Variants in MAP3K1 observed in about 807,000 individuals in gnomAD.
MAP3K1 encodes MAP/ERK kinase kinase 1.
Under a neutral mutation model 144.2 loss-of-function variants are expected in MAP3K1, and 36 were observed. The ratio of observed to expected loss-of-function variants is 0.25; its 90% CI spans 0.19 to 0.33. MAP3K1 has a LOEUF of 0.33. Ranked by LOEUF, MAP3K1 falls within the 10% of genes least tolerant of loss-of-function variation. MAP3K1 has a pLI of 1.00. For synonymous variants in MAP3K1, 718 were observed against 688.7 expected (o/e 1.04, Z -0.67); for missense variants, 1,650 against 1,881.9 (o/e 0.88, Z 2.28).
intron 16 of MAP3K1, among the ~76,000 whole-genome samples, chr5:56,885,675 T>G (rs528321470): frequency 7.7e-4 from 118 of 152,362 alleles, no homozygotes; most frequent in Middle Eastern, 6.8e-3. Context: ...AGAAATAGTT[T>G]AATCCGAAAT....
At position 56,894,154 on chromosome 5, in the gene MAP3K1, A is replaced by G. The variant is rs564520832; in HGVS notation, c.*474A>G. 1 of 288,770 alleles carries G rather than the reference A, an allele frequency of 3.5e-6. No individual in the cohort carries two copies. The highest frequency in any genetic ancestry group is 4.9e-5 in the East Asian group (1 of 20,310). 17.9% of individuals were successfully genotyped at this position (288,770 alleles called of 1,614,324 possible). A position where few individuals can be genotyped will look rare whatever the true frequency, so the allele number is the denominator to read the frequency against. On this transcript the variant is annotated 3_prime_UTR_variant, in exon 20 of 20. Coordinates refer to ENST00000399503, the MANE Select transcript of MAP3K1 (RefSeq NM_005921.2). ...TGCCTCTTTTAGGTCAGAGTATGCT[A>G]TGAGTAGCAATACATACATATATTT...
At chr5:56,845,834 G>A (rs143516549) in intron 1 of MAP3K1, among the ~76,000 whole-genome samples, 186 of 152,302 alleles carry the variant, frequency 1.2e-3, no homozygotes, top group Middle Eastern at 0.01. Context: ...GGTTTTATGG[G>A]TTTTTGTTGG....
chr5:56,871,941 A>G lies in MAP3K1; in HGVS notation c.1333A>G (p.Ile445Val), dbSNP rs1363136006. ...GGATGAAGAGGAACAGATGTGTCCT[A>G]TTTGCTTGTTGGGCATGCTTGATGA... The part of the protein sequence containing the change: ...IKDEEEQMCP[I>V]CLLGMLDEES... The change falls in exon 7 of 20, where the codon ATT becomes GTT. Residue 445 changes from isoleucine (I) to valine (V), a missense_variant. Physicochemically the swap from Ile to Val is conservative, Grantham distance 29. This residue lies in a region of MAP3K1 where 125 missense variants were observed against 179.9 expected (regional missense o/e 0.69). Transcript: ENST00000399503. 2.5e-6 allele frequency: 4 copies of G among 1,613,808 alleles called. No individual in the cohort carries two copies. Among genetic ancestry groups the G allele is most frequent in the Non-Finnish European group, 1.7e-6 (2 of 1,179,878 alleles).
intron 18 of MAP3K1, 170 bp downstream of exon 18, chr5:56,887,690 C>A: frequency 1.4e-6 from 1 of 728,244 alleles, no homozygotes; most frequent in Non-Finnish European, 2.3e-6. Context: ...CTCGACCTTT[C>A]TTTGCCTTGG....
intron 19 of MAP3K1, among the ~76,000 whole-genome samples, chr5:56,890,104 T>G (rs1748504711): frequency 6.6e-6 from 1 of 152,198 alleles, no homozygotes; most frequent in Admixed American, 6.5e-5. Context: ...CTTTGTTTCT[T>G]GTTTGCTAGT....
chr5:56,854,682 C>T (rs1047449534), intron 1 of MAP3K1, among the ~76,000 whole-genome samples: 2 of 152,092 alleles, frequency 1.3e-5, no homozygotes, highest in Non-Finnish European at 2.9e-5. Context: ...TTTGTTTAGA[C>T]AAGGAACATC....
chr5:56,893,436 G>A (rs1748608211), intron 19 of MAP3K1, 95 bp from the exon 20 acceptor site: 8 of 1,283,250 alleles, frequency 6.2e-6, no homozygotes, highest in Admixed American at 1.7e-5. Context: ...CTCTGTTCAG[G>A]ATGTAAATGT....
chr5:56,830,055 TCTTA>T (rs1746439668), intron 1 of MAP3K1, among the ~76,000 whole-genome samples: 1 of 152,194 alleles, frequency 6.6e-6, no homozygotes, highest in African/African-American at 2.4e-5. Context: ...TTCTTCTCCC[TCTTA>T]CTTCTTGGAC....
intron 17 of MAP3K1, 137 bp from the exon 18 acceptor site, chr5:56,887,241 A>G: frequency 1.3e-6 from 1 of 792,438 alleles, no homozygotes; most frequent in Non-Finnish European, 2.1e-6. Flanking sequence ...GGAAAAGAGA[A>G]TAACTGTTTG....
chr5:56,830,458 A>T (rs1432836167), intron 1 of MAP3K1, among the ~76,000 whole-genome samples: 1 of 151,996 alleles, frequency 6.6e-6, no homozygotes, highest in Non-Finnish European at 1.5e-5. Flanking sequence ...GTCTTTCTAA[A>T]TTACTGCCTT....
intron 1 of MAP3K1, among the ~76,000 whole-genome samples, chr5:56,850,989 C>T (rs1016547014): frequency 4.6e-5 from 7 of 152,232 alleles, no homozygotes; most frequent in South Asian, 4.2e-4. Flanking sequence ...TCTTGTTGCC[C>T]AGGCTGGAGT....
chr5:56,863,955 A>C (rs1747595659), intron 3 of MAP3K1, among the ~76,000 whole-genome samples: 1 of 152,154 alleles, frequency 6.6e-6, no homozygotes, highest in Non-Finnish European at 1.5e-5. Context: ...TTATTGAGGA[A>C]GAGTCTGCAG....
intron 10 of MAP3K1, among the ~76,000 whole-genome samples, chr5:56,877,766 G>C (rs866171593): frequency 6.6e-6 from 1 of 152,058 alleles, no homozygotes; most frequent in African/African-American, 2.4e-5. Flanking sequence ...TTCTGCTGTT[G>C]TCTTTTTTCT....
chr5:56,889,870 T>C (rs1038616469), intron 19 of MAP3K1, among the ~76,000 whole-genome samples: 3 of 152,106 alleles, frequency 2.0e-5, no homozygotes, highest in African/African-American at 7.2e-5. Flanking sequence ...CCTCCAGTGC[T>C]CCCCACACTT....
intron 1 of MAP3K1, among the ~76,000 whole-genome samples, chr5:56,828,940 T>G (rs1468248773): frequency 6.6e-6 from 1 of 152,166 alleles, no homozygotes; most frequent in Non-Finnish European, 1.5e-5. Context: ...TTCCTAATTG[T>G]GAAAATTTAC....
intron 15 of MAP3K1, among the ~76,000 whole-genome samples, chr5:56,884,207 C>A (rs564463312): frequency 2.0e-5 from 3 of 152,210 alleles, no homozygotes; most frequent in South Asian, 4.1e-4. Flanking sequence ...CAAGATGGGC[C>A]TTACAAAGGT....
At chr5:56,877,520 ATTTTT>A (rs35084924) in intron 10 of MAP3K1, among the ~76,000 whole-genome samples, 2 of 136,418 alleles carry the variant, frequency 1.5e-5, no homozygotes, top group African/African-American at 2.7e-5. Flanking sequence ...TGCATATATA[ATTTTT>A]TTTTTTTTTT....
At position 56,887,966 on chromosome 5, in the gene MAP3K1, T is replaced by C. The variant is rs542820466; in HGVS notation, c.4258-260T>C. 1.1e-5 allele frequency: 6 copies of C among 533,616 alleles called. No homozygotes were observed. The East Asian group carries it at 2.0e-4, about 18-fold the overall frequency. 33.1% of individuals were successfully genotyped at this position (533,616 alleles called of 1,614,324 possible). ...ATGTTCATATGTAGTAATGATCTGTTGTCCTCTTGCCACATAGTTTGCTAA... is the reference window on the plus strand; with the variant it reads ...ATGTTCATATGTAGTAATGATCTGTCGTCCTCTTGCCACATAGTTTGCTAA... On this transcript the variant is annotated intron_variant, in intron 18 of 19. Transcript: ENST00000399503.
intron 19 of MAP3K1, among the ~76,000 whole-genome samples, chr5:56,893,176 A>T (rs1028840946): frequency 6.6e-6 from 1 of 152,220 alleles, no homozygotes; most frequent in South Asian, 2.1e-4. Context: ...GAAAACGTGC[A>T]GTAAGAACAA....
Sources: gnomAD v4.1 joint callset for allele counts (sites outside exome capture counted in the v4.1 genomes callset) on GRCh38, gnomAD v4.1.1 for gene constraint, gnomAD v4.1.1 regional missense constraint, MANE v1.5 for transcripts, NCBI Gene and HGNC (gene_info 2026-07-23, HGNC 2026-07-21) for gene names.